STXBP6: variants seen among roughly 807,000 people sequenced by gnomAD.
STXBP6 encodes the protein syntaxin binding protein 6.
STXBP6 carries 21 observed loss-of-function variants against 26.9 expected under a neutral mutation model. That is an observed-to-expected ratio of 0.78 (90% CI 0.55 to 1.12). The LOEUF is 1.12. STXBP6 is among the 50% of genes most tolerant of loss of function. STXBP6 has a pLI of 0.00. For synonymous variants in STXBP6, 97 were observed against 92.6 expected (o/e 1.05, Z -0.27); for missense variants, 232 against 257.9 (o/e 0.90, Z 0.69).
intron 1 of STXBP6, among the ~76,000 whole-genome samples, chr14:25,033,126 T>C (rs759540912): frequency 1.3e-5 from 2 of 152,166 alleles, no homozygotes; most frequent in African/African-American, 4.8e-5. Flanking sequence ...ATCTTGACTA[T>C]AGTCTACCTG....
Position 25,049,746 on chromosome 14 carries a change from C to T in STXBP6, c.-33+132G>A, listed in dbSNP as rs906294395. On this transcript the variant is annotated intron_variant, in intron 1 of 5. Coordinates refer to ENST00000323944, the MANE Select transcript of STXBP6 (RefSeq NM_001394410.1). The surrounding 1 kb of genome is among the most constrained non-coding windows in gnomAD (Gnocchi z 5.6). ...TGGAAGAATCTCTCTGGGAGCCTGC[C>T]TACTCCCCTGGCCTCACAGCCACCC... 3.0e-6 allele frequency: 3 copies of T among 985,460 alleles called. No homozygotes were observed. The highest frequency in any genetic ancestry group is 1.7e-5 in the African/African-American group (1 of 57,258). 61.0% of individuals were successfully genotyped at this position (985,460 alleles called of 1,614,324 possible).
intron 4 of STXBP6, among the ~76,000 whole-genome samples, chr14:24,823,373 T>A (rs1174511467): frequency 6.6e-6 from 1 of 152,162 alleles, no homozygotes; most frequent in African/African-American, 2.4e-5. Flanking sequence ...GGAAACTTTT[T>A]AAGAAGCACA....
At chr14:24,825,886 T>G (rs567943861) in intron 4 of STXBP6, among the ~76,000 whole-genome samples, 2 of 152,232 alleles carry the variant, frequency 1.3e-5, no homozygotes, top group Admixed American at 1.3e-4. Flanking sequence ...TTATGAATAG[T>G]TACAGGGTAT....
intron 2 of STXBP6, among the ~76,000 whole-genome samples, chr14:24,892,321 T>C (rs1241612): frequency 0.66 from 100,284 of 151,238 alleles, 33,336 homozygotes; most frequent in East Asian, 0.77. Flanking sequence ...ATATTCTAGG[T>C]GCAAATTCTG....
At chr14:24,839,444 T>C (rs2068724198) in intron 4 of STXBP6, among the ~76,000 whole-genome samples, 1 of 152,098 alleles carries the variant, frequency 6.6e-6, no homozygotes, top group South Asian at 2.1e-4. Context: ...AGATACATTA[T>C]CCCATAGTCT....
At chr14:24,942,044 C>T (rs1263885404) in intron 2 of STXBP6, among the ~76,000 whole-genome samples, 1 of 152,174 alleles carries the variant, frequency 6.6e-6, no homozygotes, top group African/African-American at 2.4e-5. Flanking sequence ...AATAGGTGAA[C>T]TGCCGAGAAA....
At chr14:24,995,983 G>C (rs898499910) in intron 1 of STXBP6, among the ~76,000 whole-genome samples, 2 of 151,872 alleles carry the variant, frequency 1.3e-5, no homozygotes, top group African/African-American at 4.8e-5. Context: ...GCATCAATTA[G>C]GTAAAAATCT....
chr14:24,881,505 C>A (rs369218757), intron 2 of STXBP6, among the ~76,000 whole-genome samples: 1 of 140,292 alleles, frequency 7.1e-6, no homozygotes, highest in Non-Finnish European at 1.6e-5. Flanking sequence ...TGAAGTAAAA[C>A]AGCAGAGATG....
intron 1 of STXBP6, among the ~76,000 whole-genome samples, chr14:24,991,208 C>T (rs1015800921): frequency 2.6e-5 from 4 of 152,018 alleles, no homozygotes; most frequent in African/African-American, 9.7e-5. Flanking sequence ...GAAAAGGAAG[C>T]ATCCAGAACT....
intron 2 of STXBP6, among the ~76,000 whole-genome samples, chr14:24,925,776 C>A (rs1204426533): frequency 6.6e-6 from 1 of 152,130 alleles, no homozygotes; most frequent in African/African-American, 2.4e-5. Flanking sequence ...TTATAATCTG[C>A]AAATATCTCC....
chr14:24,912,584 T>C (rs775115134), intron 2 of STXBP6, among the ~76,000 whole-genome samples: 8 of 152,204 alleles, frequency 5.3e-5, no homozygotes, highest in African/African-American at 1.7e-4. Flanking sequence ...TTTAAGTGCA[T>C]ACTTAATCTA....
intron 1 of STXBP6, among the ~76,000 whole-genome samples, chr14:24,979,449 TTC>T (rs2074129994): frequency 6.6e-6 from 1 of 152,226 alleles, no homozygotes; most frequent in Non-Finnish European, 1.5e-5. Flanking sequence ...CAGCTAGTCT[TTC>T]CTACTTCAAC....
Position 24,866,747 on chromosome 14 carries a change from A to T in STXBP6, c.155-9590T>A, listed in dbSNP as rs564393750. ...CAAACAAACCATGGTATGTCTGTCC[A>T]CAGGAATACTCTACAGATTCCAGTG... On this transcript the variant is annotated intron_variant, in intron 2 of 5. Coordinates refer to ENST00000323944, the MANE Select transcript of STXBP6 (RefSeq NM_001394410.1). 2.6e-5 allele frequency among the ~76,000 whole-genome samples: 4 copies of T among 151,368 alleles called. No homozygotes were observed. The East Asian group carries it at 7.9e-4, about 30-fold the overall frequency.
intron 2 of STXBP6, among the ~76,000 whole-genome samples, chr14:24,969,062 C>T (rs2073822946): frequency 6.6e-6 from 1 of 152,140 alleles, no homozygotes; most frequent in South Asian, 2.1e-4. Flanking sequence ...GCAGTATTGG[C>T]AGGTTCTACG....
intron 1 of STXBP6, among the ~76,000 whole-genome samples, chr14:25,025,209 A>T (rs1227181320): frequency 6.6e-6 from 1 of 151,986 alleles, no homozygotes; most frequent in Non-Finnish European, 1.5e-5. Context: ...TACATTTTGT[A>T]TTTCCCACAA....
chr14:24,906,119 G>T (rs2139676723), intron 2 of STXBP6, among the ~76,000 whole-genome samples: 1 of 152,172 alleles, frequency 6.6e-6, no homozygotes, highest in Non-Finnish European at 1.5e-5. Flanking sequence ...AAATAATTAG[G>T]TTTTTTAAAA....
At chr14:25,034,079 A>G (rs1420339579) in intron 1 of STXBP6, among the ~76,000 whole-genome samples, 1 of 152,218 alleles carries the variant, frequency 6.6e-6, no homozygotes, top group Non-Finnish European at 1.5e-5. Context: ...AAGCCTGGAC[A>G]TGAAACGGAC....
intron 2 of STXBP6, among the ~76,000 whole-genome samples, chr14:24,933,499 A>G (rs57756913): frequency 0.073 from 11,110 of 152,178 alleles, 734 homozygotes; most frequent in African/African-American, 0.17. Context: ...TACAGACACA[A>G]TTTCTGCATG....
intron 2 of STXBP6, among the ~76,000 whole-genome samples, chr14:24,890,959 G>A (rs1177100058): frequency 1.3e-5 from 2 of 152,210 alleles, no homozygotes; most frequent in Non-Finnish European, 2.9e-5. Flanking sequence ...CAACAGGCAA[G>A]TTGTTTGTGC....
Sources: gnomAD v4.1 joint callset for allele counts (sites outside exome capture counted in the v4.1 genomes callset) on GRCh38, gnomAD v4.1.1 for gene constraint, Gnocchi (gnomAD v3.1) non-coding constraint, MANE v1.5 for transcripts, NCBI Gene and HGNC (gene_info 2026-07-23, HGNC 2026-07-21) for gene names.